The following TRIM43B variants were observed in gnomAD, a reference collection of about 807,000 sequenced individuals.
TRIM43B encodes tripartite motif containing 43B.
Under a neutral mutation model 27.0 loss-of-function variants are expected in TRIM43B, and 15 were observed. The observed-to-expected ratio is 0.55, with a 90% CI of 0.37 to 0.85. The LOEUF (loss-of-function observed/expected upper bound fraction) is 0.85. Among genes scored for constraint, TRIM43B ranks in the 40% least tolerant of loss-of-function variants. The probability of loss-of-function intolerance (pLI) is 0.00; values close to 1 mark genes in which losing one functional copy is unlikely to be tolerated. For synonymous variants in TRIM43B, 69 were observed against 97.8 expected, an observed-to-expected ratio of 0.71 and a Z score of 1.74; for missense variants, 172 against 289.8, an observed-to-expected ratio of 0.59 and a Z score of 2.95.
intron 2 of TRIM43B, 37 bp from the exon 3 acceptor site, chr2:95,481,727 A>C (rs771111352): frequency 6.3e-7 from 1 of 1,596,310 alleles, no homozygotes; most frequent in Non-Finnish European, 8.5e-7. Flanking sequence ...AAAGTCAAAT[A>C]CCAAAGATTC....
intron 1 of TRIM43B, among the ~76,000 whole-genome samples, chr2:95,483,727 C>T (rs548687412): frequency 6.6e-6 from 1 of 151,990 alleles, no homozygotes; most frequent in South Asian, 2.1e-4. Context: ...ACTCTGGAGG[C>T]GGGGCCTGGA....
chr2:95,482,398 A>G (rs1683547385), exon 2 of TRIM43B: 6 of 1,602,680 alleles, frequency 3.7e-6, no homozygotes, highest in East Asian at 2.2e-5. Flanking sequence ...ACTCTTGTCC[A>G]TGTCACAGAA....
chr2:95,483,434 CAATT>C (rs1034482877), intron 1 of TRIM43B, among the ~76,000 whole-genome samples: 43 of 150,614 alleles, frequency 2.9e-4, no homozygotes, highest in South Asian at 4.2e-4. Context: ...AAAAGACAGA[CAATT>C]AATTCAATTT....
intron 3 of TRIM43B, 104 bp downstream of exon 3, chr2:95,481,491 T>G: frequency 2.3e-6 from 2 of 881,120 alleles, no homozygotes; most frequent in Non-Finnish European, 3.4e-6. Flanking sequence ...AATAAACACA[T>G]GACAAAATCT....
chr2:95,483,771 T>G (rs1683582579), intron 1 of TRIM43B, among the ~76,000 whole-genome samples: 1 of 151,882 alleles, frequency 6.6e-6, no homozygotes, highest in Non-Finnish European at 1.5e-5. Flanking sequence ...GAGCTTGCAG[T>G]GAGCCGAGAT....
Position 95,480,228 on chromosome 2 carries a change from C to A in TRIM43B, c.738+77G>T, listed in dbSNP as rs987253173. 5.3e-6 allele frequency: 8 copies of A among 1,498,400 alleles called. No individual in the cohort carries two copies. The African/African-American group carries it at 1.1e-4, about 21-fold the overall frequency. 92.8% of individuals were successfully genotyped at this position (1,498,400 alleles called of 1,614,324 possible). ...AGTGCAGGAGATGAGGAAATAATGTCTTTGGTACCCAATGGAAGGCAAAGA... is the reference window on the plus strand; with the variant it reads ...AGTGCAGGAGATGAGGAAATAATGTATTTGGTACCCAATGGAAGGCAAAGA... On this transcript the variant is annotated intron_variant, in intron 4 of 6. Coordinates refer to ENST00000639673, the Ensembl canonical transcript of TRIM43B.
In TRIM43B at chr2:95,483,551, G is replaced by A. The variant is rs144846062; in HGVS notation, c.-4-833C>T. Among the ~76,000 whole-genome samples the A allele has an allele frequency of 4.1e-3, 628 of 151,760 alleles. 10 individuals carry two copies. The highest frequency in any genetic ancestry group is 0.014 in the African/African-American group (600 of 41,526). On this transcript the variant is annotated intron_variant, in intron 1 of 6. Coordinates refer to ENST00000639673, the Ensembl canonical transcript of TRIM43B. ...CAGGCACTAGAGGCCGGGCACGGTG[G>A]CTGACGCCTGTAATCCGAGCACTTT...
chr2:95,482,061 G>A (rs1000033358), intron 2 of TRIM43B, among the ~76,000 whole-genome samples: 4 of 150,904 alleles, frequency 2.7e-5, no homozygotes, highest in African/African-American at 9.8e-5. Flanking sequence ...GCTTTTCAAT[G>A]TCATTAGCAT....
At chr2:95,482,156 A>C in intron 2 of TRIM43B, 148 bp downstream of exon 2, 1 of 664,634 alleles carries the variant, frequency 1.5e-6, no homozygotes, top group South Asian at 2.0e-5. Flanking sequence ...AGAGTTGCAC[A>C]TTTTATTCAA....
At position 95,480,304 on chromosome 2, in the gene TRIM43B, C is replaced by G. The variant is rs541438688; in HGVS notation, c.738+1G>C. 6.2e-7 allele frequency: 1 copy of G among 1,602,586 alleles called. No homozygotes were observed. Among genetic ancestry groups the G allele is most frequent in the East Asian group, 2.3e-5 (1 of 43,954 alleles). ...TCTCAAGGGGCATCCTCCATTCTTA[C>G]CTGGAGCAGCTCCACCTCTGGTTTA... is the stretch of plus-strand genomic sequence containing the variant. On this transcript the variant is annotated splice_donor_variant, in intron 4 of 6. Coordinates refer to ENST00000639673, the Ensembl canonical transcript of TRIM43B. LOFTEE classifies it high-confidence loss of function.
At chr2:95,483,833 C>A (rs199861244) in intron 1 of TRIM43B, among the ~76,000 whole-genome samples, 2,702 of 151,428 alleles carry the variant, frequency 0.018, 44 homozygotes, top group Non-Finnish European at 0.025. Flanking sequence ...GTCTCCCCCC[C>A]AAAACAAAAA....
chr2:95,482,647 A>T (rs1480818131), exon 2 of TRIM43B: 7 of 1,613,818 alleles, frequency 4.3e-6, no homozygotes, highest in Non-Finnish European at 5.9e-6. Flanking sequence ...GACAGGGTCT[A>T]CCAGGTAGTT....
chr2:95,480,155 A>C, intron 4 of TRIM43B, 150 bp downstream of exon 4: 1 of 1,011,182 alleles, frequency 9.9e-7, no homozygotes, highest in South Asian at 1.8e-5. Flanking sequence ...TGATTAGCGT[A>C]GGAGTTATAG....
chr2:95,480,202 C>T (rs1683495629), intron 4 of TRIM43B, 103 bp downstream of exon 4: 1 of 1,488,704 alleles, frequency 6.7e-7, no homozygotes, highest in Non-Finnish European at 9.0e-7. Flanking sequence ...CTCTCACCGT[C>T]AGTGCAGGAG....
At chr2:95,484,660 A>G (rs545808785) in exon 1 of TRIM43B, 1 of 152,114 alleles carries the variant, frequency 6.6e-6, no homozygotes, top group Non-Finnish European at 1.5e-5. Flanking sequence ...AGATGGATTC[A>G]GCTCAGGGAT....
At chr2:95,482,105 TAATC>T (rs1331389882) in intron 2 of TRIM43B, among the ~76,000 whole-genome samples, 195 bp downstream of exon 2, 1 of 150,776 alleles carries the variant, frequency 6.6e-6, no homozygotes, top group African/African-American at 2.4e-5. Context: ...GACATTTACT[TAATC>T]AGTCTCTTTT....
chr2:95,480,407 G>A (rs779900313), exon 4 of TRIM43B: 1 of 1,608,750 alleles, frequency 6.2e-7, no homozygotes, highest in Non-Finnish European at 8.5e-7. Context: ...AACTTCTCTG[G>A]AGTTGCTGAA....
At position 95,482,295 on chromosome 2, in the gene TRIM43B, A is replaced by C. The variant is rs780714144; in HGVS notation, c.411+9T>G. Reference sequence around the variant, plus strand: ...CCAGCTTTCAGGTGATCACAGAGCTATCTCTTACCCGGTCTTCCTCAGCTG... The same window carrying C: ...CCAGCTTTCAGGTGATCACAGAGCTCTCTCTTACCCGGTCTTCCTCAGCTG... On this transcript the variant is annotated intron_variant, in intron 2 of 6. Transcript: ENST00000639673. The C allele has an allele frequency of 1.2e-6, 2 of 1,611,228 alleles. No individual in the cohort carries two copies. The highest frequency in any genetic ancestry group is 1.7e-5 in the Admixed American group (1 of 59,868).
At chr2:95,482,375 G>C (rs1374990958) in exon 2 of TRIM43B, 6 of 1,606,700 alleles carry the variant, frequency 3.7e-6, no homozygotes, top group Middle Eastern at 2.3e-4. Flanking sequence ...TTGGAGCACA[G>C]CAAGCAGAGG....
Sources: gnomAD v4.1 joint callset for allele counts (sites outside exome capture counted in the v4.1 genomes callset) on GRCh38, gnomAD v4.1.1 for gene constraint, MANE v1.5 for transcripts, NCBI Gene and HGNC (gene_info 2026-07-23, HGNC 2026-07-21) for gene names.